Variants in ANK3 observed in about 807,000 individuals in gnomAD.
ANK3 encodes ankyrin-3.
Under a neutral mutation model 370.9 loss-of-function variants are expected in ANK3, and 57 were observed. That is an observed-to-expected ratio of 0.15 (90% CI 0.12 to 0.19). The LOEUF is 0.19. Among genes scored for constraint, ANK3 ranks in the 10% least tolerant of loss-of-function variants. ANK3 has a pLI of 1.00. For synonymous variants in ANK3, 1,929 were observed against 1,946.3 expected (o/e 0.99, Z 0.23); for missense variants, 4,439 against 5,302.1 (o/e 0.84, Z 5.06).
At chr10:60,096,178 TAAAG>T (rs1321470707) in intron 28 of ANK3, among the ~76,000 whole-genome samples, 5 of 151,586 alleles carry the variant, frequency 3.3e-5, no homozygotes, top group African/African-American at 1.2e-4. Flanking sequence ...ATCTCAAAAA[TAAAG>T]AAAGAAATAA....
At chr10:60,146,613 C>T (rs1270675908) in intron 23 of ANK3, among the ~76,000 whole-genome samples, 3 of 152,012 alleles carry the variant, frequency 2.0e-5, no homozygotes, top group Non-Finnish European at 2.9e-5. Context: ...CTCAGCCTCC[C>T]GAGTAGTTGG....
At chr10:60,651,232 G>T (rs2078785394) in intron 1 of ANK3, among the ~76,000 whole-genome samples, 1 of 152,268 alleles carries the variant, frequency 6.6e-6, no homozygotes, top group East Asian at 1.9e-4. Context: ...TTAGCTGATA[G>T]AAGTAATGAA....
At chr10:60,207,232 A>C (rs1438652951) in intron 10 of ANK3, among the ~76,000 whole-genome samples, 1 of 152,180 alleles carries the variant, frequency 6.6e-6, no homozygotes, top group East Asian at 1.9e-4. Flanking sequence ...TTTAGAGCCC[A>C]CAGAGTACAA....
intron 1 of ANK3, among the ~76,000 whole-genome samples, chr10:60,361,596 GA>G (rs2058618180): frequency 6.6e-6 from 1 of 152,168 alleles, no homozygotes; most frequent in African/African-American, 2.4e-5. Context: ...TATTCAGTAA[GA>G]AAGGAACTGG....
chr10:60,279,402 CAG>C (rs1222002048), intron 2 of ANK3, 134 bp downstream of exon 2: 7 of 754,832 alleles, frequency 9.3e-6, no homozygotes, highest in South Asian at 1.8e-5. Flanking sequence ...GTTCCTCTAA[CAG>C]AGAATAATTT....
Position 60,076,163 on chromosome 10 carries a change from G to T in ANK3, c.4718C>A (p.Ser1573Tyr). The T allele has an allele frequency of 4.3e-6, 7 of 1,614,198 alleles. No individual in the cohort carries two copies. Among genetic ancestry groups the T allele is most frequent in the Non-Finnish European group, 5.9e-6 (7 of 1,180,012 alleles). Residue 1573 changes from serine to tyrosine, a missense_variant, in exon 37 of 44, where the codon TCC (serine) becomes TAC (tyrosine). Transcript: ENST00000280772. Reference protein sequence around the residue: ...SISDVASPIRSFRTMSSPIKT... With the variant: ...SISDVASPIRYFRTMSSPIKT... Reference sequence around the variant, plus strand: ...TATCGGCGAAGACATTGTCCGAAAGGATCTAATTGGAGATGCCACGTCACT... The same window carrying T: ...TATCGGCGAAGACATTGTCCGAAAGTATCTAATTGGAGATGCCACGTCACT...
At chr10:60,566,833 C>T (rs1186209103) in intron 2 of ANK3, among the ~76,000 whole-genome samples, 1 of 152,090 alleles carries the variant, frequency 6.6e-6, no homozygotes, top group Non-Finnish European at 1.5e-5. Flanking sequence ...TATGATCATG[C>T]CAATGTGCTC....
At chr10:60,656,040 T>C (rs573878024) in intron 1 of ANK3, among the ~76,000 whole-genome samples, 7 of 152,276 alleles carry the variant, frequency 4.6e-5, no homozygotes, top group East Asian at 1.9e-4. Context: ...ACTCGCACAA[T>C]GACAAAATCA....
chr10:60,707,111 A>T (rs1245408263), intron 1 of ANK3, among the ~76,000 whole-genome samples: 2 of 152,200 alleles, frequency 1.3e-5, no homozygotes, highest in Non-Finnish European at 2.9e-5. Flanking sequence ...GCCAAAAAAT[A>T]ATTTTTAAAA....
Position 60,071,724 on chromosome 10 carries a change from C to G in ANK3, c.9157G>C (p.Glu3053Gln). 1 of 1,598,504 alleles carries G rather than the reference C, an allele frequency of 6.3e-7. No individual in the cohort carries two copies. The highest frequency in any genetic ancestry group is 1.1e-5 in the South Asian group (1 of 87,388). The change falls in exon 37 of 44, where the codon GAG becomes CAG. Residue 3053 changes from glutamate to glutamine, a missense_variant. Glu to Gln is a conservative substitution (Grantham distance 29). Around this residue, in one of 13 missense-constraint regions of ANK3, gnomAD observed 1,601 missense variants for 1,731.7 expected, o/e 0.92. Coordinates refer to ENST00000280772, the MANE Select transcript of ANK3 (RefSeq NM_020987.5). ...GGAGATTCCTTTCCTGGGCTAAACT[C>G]TAAAGAATCAGGAGATTTGGTGGGG... The part of the protein sequence containing the change: ...TSPTKSPDSL[E>Q]FSPGKESPSS...
At position 60,186,349 on chromosome 10, in the gene ANK3, T is replaced by C. The variant is rs74156429; in HGVS notation, c.2085+366A>G. On this transcript the variant is annotated intron_variant, in intron 17 of 43. Coordinates refer to ENST00000280772, the MANE Select transcript of ANK3 (RefSeq NM_020987.5). ...TTTATTTACCATTATCTTTCTGTCT[T>C]TTTTTTTTTTTTTTTTAAAGAGACA... Among the ~76,000 whole-genome samples, 40 of 24,260 alleles carry C rather than the reference T, an allele frequency of 1.6e-3. No individual in the cohort carries two copies. In the East Asian group the frequency reaches 0.049, roughly 30 times the overall value. The allele number at this position is 24,260 out of a possible 152,430, so 15.9% of individuals were successfully genotyped here.
intron 1 of ANK3, among the ~76,000 whole-genome samples, chr10:60,369,584 G>T (rs2059841530): frequency 6.6e-6 from 1 of 152,242 alleles, no homozygotes; most frequent in East Asian, 1.9e-4. Context: ...GATACAACAA[G>T]ACACAATTAT....
chr10:60,145,136 A>G (rs539010614), intron 23 of ANK3, among the ~76,000 whole-genome samples: 25 of 152,334 alleles, frequency 1.6e-4, no homozygotes, highest in Admixed American at 8.5e-4. Flanking sequence ...ACTTTGCTCA[A>G]AAGTGTTTAA....
At chr10:60,718,467 T>C (rs1402692453) in intron 1 of ANK3, among the ~76,000 whole-genome samples, 1 of 152,042 alleles carries the variant, frequency 6.6e-6, no homozygotes, top group Admixed American at 6.6e-5. Context: ...GAGAATTTAC[T>C]CACCTGAAAT....
chr10:60,651,898 T>C (rs946773642), intron 1 of ANK3, among the ~76,000 whole-genome samples: 3 of 152,098 alleles, frequency 2.0e-5, no homozygotes, highest in Non-Finnish European at 4.4e-5. Flanking sequence ...AACACTCAAA[T>C]AGTGCTCAGC....
intron 2 of ANK3, among the ~76,000 whole-genome samples, chr10:60,454,672 A>T (rs1227886860): frequency 2.6e-5 from 4 of 152,096 alleles, no homozygotes; most frequent in Admixed American, 2.0e-4. Context: ...ACATACACAA[A>T]AGGGTTCTGC....
At chr10:60,400,664 A>C (rs2063334799) in intron 2 of ANK3, among the ~76,000 whole-genome samples, 3 of 152,152 alleles carry the variant, frequency 2.0e-5, no homozygotes, top group Admixed American at 2.0e-4. Context: ...GTCTTGCTTC[A>C]GGTTAGGGGA....
chr10:60,219,962 C>T (rs2097014353), intron 8 of ANK3, among the ~76,000 whole-genome samples: 1 of 152,210 alleles, frequency 6.6e-6, no homozygotes, highest in Non-Finnish European at 1.5e-5. Flanking sequence ...ATATCTTCTG[C>T]CTTTTATGTT....
chr10:60,374,050 T>C (rs1042848664), intron 1 of ANK3, among the ~76,000 whole-genome samples: 1 of 152,054 alleles, frequency 6.6e-6, no homozygotes, highest in Non-Finnish European at 1.5e-5. Context: ...GAGGACACAC[T>C]GTGATTTGTA....
Sources: gnomAD v4.1 joint callset for allele counts (sites outside exome capture counted in the v4.1 genomes callset) on GRCh38, gnomAD v4.1.1 for gene constraint, gnomAD v4.1.1 regional missense constraint, MANE v1.5 for transcripts, NCBI Gene and HGNC (gene_info 2026-07-23, HGNC 2026-07-21) for gene names.